Variants in PLD1 observed in about 807,000 individuals in gnomAD.
PLD1 encodes phospholipase D1.
Under a neutral mutation model 137.1 loss-of-function variants are expected in PLD1, and 112 were observed. The observed-to-expected ratio is 0.82, with a 90% CI of 0.70 to 0.96. The LOEUF is 0.96. Among genes scored for constraint, PLD1 ranks in the 40% least tolerant of loss-of-function variants. PLD1 has a pLI of 0.00. For synonymous variants in PLD1, 431 were observed against 454.7 expected (o/e 0.95, Z 0.66); for missense variants, 1,321 against 1,342.0 (o/e 0.98, Z 0.24).
intron 23 of PLD1, among the ~76,000 whole-genome samples, chr3:171,627,409 T>C (rs573406434): frequency 3.9e-5 from 6 of 152,212 alleles, no homozygotes; most frequent in Admixed American, 3.3e-4. Flanking sequence ...ACAATAATAA[T>C]GGGAGACTTT....
intron 23 of PLD1, among the ~76,000 whole-genome samples, chr3:171,635,577 C>T (rs1052126040): frequency 4.6e-5 from 7 of 151,882 alleles, no homozygotes; most frequent in Non-Finnish European, 8.8e-5. Context: ...TAGAAAAATA[C>T]CTGTTTAGCT....
chr3:171,657,474 A>T (rs1737311216), intron 21 of PLD1, among the ~76,000 whole-genome samples: 1 of 152,208 alleles, frequency 6.6e-6, no homozygotes. Context: ...TTGTTCTGCT[A>T]CTTTTAAATG....
At chr3:171,769,681 G>T (rs1004842704) in intron 1 of PLD1, among the ~76,000 whole-genome samples, 3 of 152,160 alleles carry the variant, frequency 2.0e-5, no homozygotes, top group South Asian at 2.1e-4. Flanking sequence ...CCATAACATT[G>T]TAACTTCAAC....
At chr3:171,622,800 T>C (rs1465230352) in intron 23 of PLD1, among the ~76,000 whole-genome samples, 1 of 150,860 alleles carries the variant, frequency 6.6e-6, no homozygotes, top group Non-Finnish European at 1.5e-5. Flanking sequence ...ACCTGAAGAA[T>C]CAGTAATAAA....
At chr3:171,620,628 T>C in intron 23 of PLD1, 108 bp from the exon 24 acceptor site, 1 of 516,124 alleles carries the variant, frequency 1.9e-6, no homozygotes, top group Non-Finnish European at 3.3e-6. Flanking sequence ...TCAGAATAGA[T>C]TGTATATTAT....
chr3:171,674,360 A>T (rs1713108701), intron 19 of PLD1, 140 bp downstream of exon 19: 1 of 461,768 alleles, frequency 2.2e-6, no homozygotes, highest in Admixed American at 4.0e-5. Flanking sequence ...TATAATAACA[A>T]GTATTAAAAG....
intron 13 of PLD1, among the ~76,000 whole-genome samples, 164 bp downstream of exon 13, chr3:171,692,168 G>A (rs1253712255): frequency 1.3e-5 from 2 of 152,190 alleles, no homozygotes; most frequent in Non-Finnish European, 2.9e-5. Context: ...ATGTAGGGAA[G>A]ATAAGAAAGT....
In PLD1 at chr3:171,763,830, CTTTTTT is replaced by C. The variant is rs71178234; in HGVS notation, c.-31-25754_-31-25749del. Among the ~76,000 whole-genome samples, 93 of 86,724 alleles carry C rather than the reference CTTTTTT, an allele frequency of 1.1e-3. No individual in the cohort carries two copies. The South Asian group carries it at 0.016, about 15-fold the overall frequency. The allele number at this position is 86,724 out of a possible 152,430, so 56.9% of individuals were successfully genotyped here. The stretch of plus-strand genomic sequence containing the variant: ...ATTATACAGCTTATTTTCTTTCTTT[CTTTTTT>C]TTTTTTTTTTTTTTTTGAGATAGAG... On this transcript the variant is annotated intron_variant, in intron 1 of 26. Transcript: ENST00000351298.
intron 21 of PLD1, among the ~76,000 whole-genome samples, chr3:171,649,927 A>G (rs1284613361): frequency 1.3e-5 from 2 of 152,236 alleles, no homozygotes; most frequent in South Asian, 2.1e-4. Context: ...CAGTAGCACA[A>G]TACTTCTGGT....
rs546412109 is a variant in PLD1, at chr3:171,602,583, C to T, written c.*495G>A. ...TCAGGACCAGATGAGCAGGGGCATC[C>T]CATGTAACCATGAAGAATCTTGAAG... is the stretch of plus-strand genomic sequence containing the variant. On this transcript the variant is annotated 3_prime_UTR_variant, in exon 27 of 27. Transcript: ENST00000351298. 78 of 167,120 alleles carry T rather than the reference C, an allele frequency of 4.7e-4. No homozygotes were observed. Among genetic ancestry groups the T allele is most frequent in the African/African-American group, 1.8e-3 (74 of 41,698 alleles). 10.4% of individuals were successfully genotyped at this position (167,120 alleles called of 1,614,324 possible).
Position 171,764,936 on chromosome 3 carries a change from A to AGG in PLD1, c.-31-26855_-31-26854insCC, listed in dbSNP as rs1560289315. ...GGAAAGAAAGAAAGGAAAGAAAGGAAAGAAAGAAAGAAAGAAAGAAAGAAA... is the reference window on the plus strand; with the variant it reads ...GGAAAGAAAGAAAGGAAAGAAAGGAAGGAGAAAGAAAGAAAGAAAGAAAGAAA... On this transcript the variant is annotated intron_variant, in intron 1 of 26. Transcript: ENST00000351298. 4.4e-3 allele frequency among the ~76,000 whole-genome samples: 35 copies of AGG among 7,986 alleles called. 1 individual carries two copies. The highest frequency in any genetic ancestry group is 5.4e-3 in the Non-Finnish European group (20 of 3,686). 5.2% of individuals were successfully genotyped at this position (7,986 alleles called of 152,430 possible). A position where few individuals can be genotyped will look rare whatever the true frequency, so the allele number is the denominator to read the frequency against.
chr3:171,616,168 GT>G (rs950795094), intron 24 of PLD1, among the ~76,000 whole-genome samples: 2 of 152,044 alleles, frequency 1.3e-5, no homozygotes, highest in African/African-American at 2.4e-5. Flanking sequence ...TTGGACATTT[GT>G]TTTTTCTTAT....
intron 11 of PLD1, among the ~76,000 whole-genome samples, chr3:171,703,851 T>C (rs910655611): frequency 1.5e-4 from 23 of 152,126 alleles, no homozygotes; most frequent in Non-Finnish European, 2.8e-4. Context: ...GGATCTCTGG[T>C]AGTGACAGGG....
At chr3:171,682,108 A>AAAG (rs1714029532) in intron 16 of PLD1, among the ~76,000 whole-genome samples, 1 of 99,070 alleles carries the variant, frequency 1.0e-5, no homozygotes, top group Non-Finnish European at 2.0e-5. Context: ...TACAGAAAGA[A>AAAG]AAAGAAAGAA....
intron 1 of PLD1, among the ~76,000 whole-genome samples, chr3:171,762,263 G>T (rs960733572): frequency 1.2e-4 from 18 of 152,152 alleles, no homozygotes; most frequent in Non-Finnish European, 5.9e-5. Context: ...AGGCTTTTTG[G>T]TCATCTTCTT....
At chr3:171,669,562 C>G (rs1019395876) in intron 19 of PLD1, among the ~76,000 whole-genome samples, 1 of 152,212 alleles carries the variant, frequency 6.6e-6, no homozygotes, top group Non-Finnish European at 1.5e-5. Context: ...CCATAACGCC[C>G]AGCTAATTTT....
At chr3:171,635,311 T>G (rs891135481) in intron 23 of PLD1, among the ~76,000 whole-genome samples, 5 of 152,186 alleles carry the variant, frequency 3.3e-5, no homozygotes, top group African/African-American at 9.6e-5. Flanking sequence ...GGTTATAGGC[T>G]AACTATATTT....
Position 171,687,575 on chromosome 3 carries a change from T to C in PLD1, c.1549A>G (p.Met517Val), listed in dbSNP as rs551129546. ...AGTCTTAAGGATTCCATAGACTCCA[T>C]TGCGGCAGGCTGAGAAAAATTTTTT... ...PSLGSLPPAA[M>V]ESMESLRLKD... Residue 517 changes from methionine to valine, a missense_variant, in exon 15 of 27, where the codon ATG becomes GTG. By Grantham distance (21) the Met-to-Val change is conservative. Coordinates refer to ENST00000351298, the MANE Select transcript of PLD1 (RefSeq NM_002662.5). The C allele has an allele frequency of 6.8e-6, 11 of 1,611,492 alleles. No individual in the cohort carries two copies. Among genetic ancestry groups the C allele is most frequent in the African/African-American group, 4.0e-5 (3 of 74,746 alleles).
chr3:171,649,552 A>T (rs766353670), intron 21 of PLD1, among the ~76,000 whole-genome samples: 1 of 152,186 alleles, frequency 6.6e-6, no homozygotes, highest in African/African-American at 2.4e-5. Context: ...TCCTCACAAC[A>T]TGGGGGTTGT....
Sources: allele counts gnomAD v4.1 joint callset (sites outside exome capture counted in the v4.1 genomes callset), GRCh38; gene constraint gnomAD v4.1.1; transcripts MANE v1.5; gene names NCBI Gene and HGNC (gene_info 2026-07-23, HGNC 2026-07-21).